CAMTA1: variants seen among roughly 807,000 people sequenced by gnomAD.
CAMTA1 encodes the protein calmodulin binding transcription activator 1.
A neutral mutation model predicts 170.9 loss-of-function variants in CAMTA1; 27 were observed. The ratio of observed to expected loss-of-function variants is 0.16; its 90% CI spans 0.12 to 0.22. CAMTA1 has a LOEUF of 0.22. Among genes scored for constraint, CAMTA1 ranks in the 10% least tolerant of loss-of-function variants. CAMTA1 has a pLI of 1.00. For missense variants in CAMTA1, 1,619 were observed against 2,217.2 expected, an observed-to-expected ratio of 0.73 and a Z score of 5.42; for synonymous variants, 833 against 891.5, an observed-to-expected ratio of 0.93 and a Z score of 1.17.
At chr1:7,298,574 G>T (rs1674319456) in intron 5 of CAMTA1, among the ~76,000 whole-genome samples, 1 of 152,100 alleles carries the variant, frequency 6.6e-6, no homozygotes, top group South Asian at 2.1e-4. Context: ...TGCTACAGGG[G>T]AAATTCTAGA....
At chr1:7,722,726 T>A (rs192776528) in intron 11 of CAMTA1, among the ~76,000 whole-genome samples, 1 of 152,310 alleles carries the variant, frequency 6.6e-6, no homozygotes, top group East Asian at 1.9e-4. Context: ...TTTCAGCATT[T>A]CATTTATCGG....
chr1:7,721,802 T>C (rs1193776967), intron 11 of CAMTA1, among the ~76,000 whole-genome samples: 1 of 152,076 alleles, frequency 6.6e-6, no homozygotes, highest in Non-Finnish European at 1.5e-5. Flanking sequence ...TTATTAGAGA[T>C]GGGGTTTCGC....
chr1:6,930,499 C>T (rs1444731760), intron 3 of CAMTA1, among the ~76,000 whole-genome samples: 1 of 152,202 alleles, frequency 6.6e-6, no homozygotes, highest in African/African-American at 2.4e-5. Context: ...TGGGTTTTCT[C>T]AGCCAACAGA....
chr1:7,407,091 G>A (rs1030573853), intron 5 of CAMTA1, among the ~76,000 whole-genome samples: 3 of 152,184 alleles, frequency 2.0e-5, no homozygotes. Flanking sequence ...AACACTGCTC[G>A]ATTCATTGAA....
chr1:6,917,421 A>C (rs982916206), intron 3 of CAMTA1, among the ~76,000 whole-genome samples: 1 of 152,152 alleles, frequency 6.6e-6, no homozygotes, highest in Admixed American at 6.5e-5. Flanking sequence ...GGAAACTGTT[A>C]AGAGACCAAG....
intron 3 of CAMTA1, among the ~76,000 whole-genome samples, chr1:6,932,674 C>G (rs1248041821): frequency 6.6e-6 from 1 of 152,156 alleles, no homozygotes; most frequent in Non-Finnish European, 1.5e-5. Flanking sequence ...CAGTCTTTGT[C>G]ATTTTAGCCA....
At chr1:7,371,876 AG>A (rs892997952) in intron 5 of CAMTA1, among the ~76,000 whole-genome samples, 2 of 152,198 alleles carry the variant, frequency 1.3e-5, no homozygotes, top group African/African-American at 4.8e-5. Context: ...TAGGAAGTAG[AG>A]GGTGGCCCTC....
chr1:7,518,437 A>G (rs1295560949), intron 6 of CAMTA1, among the ~76,000 whole-genome samples: 1 of 151,820 alleles, frequency 6.6e-6, no homozygotes, highest in Non-Finnish European at 1.5e-5. Context: ...GTCTCCACCC[A>G]TTTAGAAGGG....
chr1:6,912,748 G>A (rs533824268), intron 3 of CAMTA1, among the ~76,000 whole-genome samples: 11 of 152,330 alleles, frequency 7.2e-5, no homozygotes, highest in African/African-American at 2.6e-4. Context: ...TCACAGGGGA[G>A]GCGCTGTCAT....
In CAMTA1 at chr1:7,050,749, G is replaced by T. The variant is rs1234475067; in HGVS notation, c.235-40555G>T. 6.6e-6 allele frequency among the ~76,000 whole-genome samples: 1 copy of T among 152,160 alleles called. No homozygotes were observed. Among genetic ancestry groups the T allele is most frequent in the Non-Finnish European group, 1.5e-5 (1 of 68,024 alleles). On this transcript the variant is annotated intron_variant, in intron 3 of 22. Coordinates refer to ENST00000303635, the MANE Select transcript of CAMTA1 (RefSeq NM_015215.4). The surrounding 1 kb of genome is among the most constrained non-coding windows in gnomAD (Gnocchi z 4.8). ...GAGAGTATGGTGGGGAGGGGAAGGA[G>T]CCCCAGGGGGCCTTGGCCTCCACGA...
chr1:7,076,867 C>T (rs1370462693), intron 3 of CAMTA1, among the ~76,000 whole-genome samples: 2 of 152,222 alleles, frequency 1.3e-5, no homozygotes, highest in Admixed American at 6.5e-5. Flanking sequence ...CTGTAAAATT[C>T]ATGAATTCTC....
At chr1:7,055,803 G>T (rs1003682978) in intron 3 of CAMTA1, among the ~76,000 whole-genome samples, 12 of 152,232 alleles carry the variant, frequency 7.9e-5, no homozygotes, top group Non-Finnish European at 1.5e-4. Context: ...CACACTGGGG[G>T]CCCAGGCCAC....
At chr1:7,753,337 G>A (rs1294854855) in intron 21 of CAMTA1, among the ~76,000 whole-genome samples, 5 of 152,224 alleles carry the variant, frequency 3.3e-5, no homozygotes, top group African/African-American at 7.2e-5. Flanking sequence ...CCAGTCTGAC[G>A]TCTGTAACTG....
chr1:6,926,490 C>CTT (rs1557838416), intron 3 of CAMTA1, among the ~76,000 whole-genome samples: 272 of 88,612 alleles, frequency 3.1e-3, no homozygotes, highest in Non-Finnish European at 5.1e-3. Flanking sequence ...CTTTCTTTCT[C>CTT]TCTCTCTTTT....
At chr1:7,243,263 C>T (rs1665212642) in intron 4 of CAMTA1, among the ~76,000 whole-genome samples, 1 of 152,134 alleles carries the variant, frequency 6.6e-6, no homozygotes, top group Admixed American at 6.5e-5. Context: ...ATAAAATGTT[C>T]TAGATCCAGA....
chr1:7,663,665 T>G lies in CAMTA1; in HGVS notation c.1118T>G (p.Val373Gly), dbSNP rs751210693. The change falls in exon 9 of 23, where the codon GTG becomes GGG. Residue 373 changes from valine to glycine, a missense_variant. Physicochemically the swap from Val to Gly is moderately radical, Grantham distance 109. Coordinates refer to ENST00000303635, the MANE Select transcript of CAMTA1 (RefSeq NM_015215.4). ...SSGLNSDPDM[V>G]DSPVVTGVSG... The stretch of plus-strand genomic sequence containing the variant: ...GGGCTCAACAGCGACCCGGACATGG[T>G]GGACAGCCCGGTGGTCACAGGTGTG... 6.2e-7 allele frequency: 1 copy of G among 1,614,126 alleles called. No individual in the cohort carries two copies. The highest frequency in any genetic ancestry group is 8.5e-7 in the Non-Finnish European group (1 of 1,180,034).
chr1:7,030,979 C>T (rs1021364825), intron 3 of CAMTA1, among the ~76,000 whole-genome samples: 11 of 147,776 alleles, frequency 7.4e-5, no homozygotes, highest in South Asian at 2.2e-4. Flanking sequence ...GGACTACAGG[C>T]GCTCGCCACC....
At chr1:7,546,526 G>C (rs2094695576) in intron 6 of CAMTA1, among the ~76,000 whole-genome samples, 1 of 152,086 alleles carries the variant, frequency 6.6e-6, no homozygotes, top group South Asian at 2.1e-4. Context: ...ACCAGTAATG[G>C]GATTGCTGGG....
At chr1:7,399,136 TG>T (rs1285435682) in intron 5 of CAMTA1, among the ~76,000 whole-genome samples, 1 of 152,202 alleles carries the variant, frequency 6.6e-6, no homozygotes, top group Non-Finnish European at 1.5e-5. Context: ...GTTTGTATCA[TG>T]GGGGTGGATC....
Sources: gnomAD v4.1 joint callset for allele counts (sites outside exome capture counted in the v4.1 genomes callset) on GRCh38, gnomAD v4.1.1 for gene constraint, Gnocchi (gnomAD v3.1) non-coding constraint, MANE v1.5 for transcripts, NCBI Gene and HGNC (gene_info 2026-07-23, HGNC 2026-07-21) for gene names.